Variants in SMCHD1 observed in about 807,000 individuals in gnomAD.
The protein encoded by SMCHD1 is structural maintenance of chromosomes flexible hinge domain-containing protein 1.
SMCHD1 carries 78 observed loss-of-function variants against 254.7 expected under a neutral mutation model. The observed-to-expected ratio is 0.31, with a 90% CI of 0.26 to 0.37. SMCHD1 has a LOEUF of 0.37. Among genes scored for constraint, SMCHD1 ranks in the 10% least tolerant of loss-of-function variants. The pLI, the probability that SMCHD1 is intolerant of heterozygous loss-of-function variation, is 1.00. For synonymous variants in SMCHD1, 766 were observed against 794.9 expected (o/e 0.96, Z 0.61); for missense variants, 1,840 against 2,408.1 (o/e 0.76, Z 4.94).
At chr18:2,750,012 A>T in intron 30 of SMCHD1, 31 bp from the exon 31 acceptor site, 1 of 1,527,104 alleles carries the variant, frequency 6.5e-7, no homozygotes. Flanking sequence ...AGAATTTTCT[A>T]ATTAACCATT....
chr18:2,748,868 T>C (rs2075519541), intron 30 of SMCHD1, among the ~76,000 whole-genome samples: 1 of 152,150 alleles, frequency 6.6e-6, no homozygotes, highest in East Asian at 1.9e-4. Context: ...GTTGATATCA[T>C]GTAAAGATGA....
chr18:2,758,007 G>A (rs1392943037), intron 34 of SMCHD1, among the ~76,000 whole-genome samples: 1 of 152,028 alleles, frequency 6.6e-6, no homozygotes, highest in Non-Finnish European at 1.5e-5. Context: ...TGAATGACAT[G>A]AAAAAGCCAC....
chr18:2,773,537 A>T (rs1233217280), intron 41 of SMCHD1, among the ~76,000 whole-genome samples: 1 of 152,158 alleles, frequency 6.6e-6, no homozygotes, highest in South Asian at 2.1e-4. Context: ...ACCCTACCCT[A>T]ACCAGTAGGA....
At chr18:2,707,491 A>C in intron 15 of SMCHD1, 72 bp from the exon 16 acceptor site, 1 of 857,732 alleles carries the variant, frequency 1.2e-6, no homozygotes, top group Non-Finnish European at 1.8e-6. Flanking sequence ...AGTTTCTAAT[A>C]ACTCGTATCT....
chr18:2,746,083 G>A (rs753909080), intron 29 of SMCHD1, among the ~76,000 whole-genome samples: 1 of 152,186 alleles, frequency 6.6e-6, no homozygotes, highest in Non-Finnish European at 1.5e-5. Context: ...AACACTTTGG[G>A]AGACCAAGGT....
At chr18:2,670,103 C>G (rs897541951) in intron 3 of SMCHD1, among the ~76,000 whole-genome samples, 1 of 152,150 alleles carries the variant, frequency 6.6e-6, no homozygotes, top group African/African-American at 2.4e-5. Flanking sequence ...TTGTGTCACT[C>G]GCTGCTGAAA....
Position 2,782,744 on chromosome 18 carries a change from CAAAAAAAAAAAAAA to C in SMCHD1, c.5548-1691_5548-1678del, listed in dbSNP as rs779083565. Among the ~76,000 whole-genome samples the C allele has an allele frequency of 4.2e-4, 19 of 44,980 alleles. 1 individual carries two copies. Among genetic ancestry groups the C allele is most frequent in the East Asian group, 2.3e-3 (4 of 1,746 alleles). The allele number at this position is 44,980 out of a possible 152,430, so 29.5% of individuals were successfully genotyped here. A position where few individuals can be genotyped will look rare whatever the true frequency, so the allele number is the denominator to read the frequency against. ...TGGGCAACAGAGCGAGACCACAACT[CAAAAAAAAAAAAAA>C]AAAAAAAAAAAAAAGATATTAAATC... is the stretch of plus-strand genomic sequence containing the variant. On this transcript the variant is annotated intron_variant, in intron 44 of 47. Coordinates refer to ENST00000320876, the MANE Select transcript of SMCHD1 (RefSeq NM_015295.3).
Position 2,718,293 on chromosome 18 carries a change from A to G in SMCHD1, c.2339-22A>G, listed in dbSNP as rs781009748. 6.2e-7 allele frequency: 1 copy of G among 1,607,452 alleles called. No homozygotes were observed. The highest frequency in any genetic ancestry group is 8.5e-7 in the Non-Finnish European group (1 of 1,176,832). On this transcript the variant is annotated intron_variant, in intron 18 of 47. Transcript: ENST00000320876. The surrounding 1 kb of genome is among the most constrained non-coding windows in gnomAD (Gnocchi z 4.6). ...TTGGTATTGTGTTGACTTGATTTTT[A>G]ATTTCTTCTTAATTTATCCAGAAAA...
intron 5 of SMCHD1, among the ~76,000 whole-genome samples, chr18:2,678,209 TTTTCTTTCTTTCTTTTTC>T (rs2073803176): frequency 9.0e-6 from 1 of 110,538 alleles, no homozygotes; most frequent in South Asian, 2.9e-4. Context: ...CTTTTCTTTC[TTTTCTTTCTTTCTTTTTC>T]TTTCTTTCTT....
chr18:2,795,877 C>T, intron 45 of SMCHD1, 72 bp from the exon 46 acceptor site: 1 of 1,353,314 alleles, frequency 7.4e-7, no homozygotes, highest in Non-Finnish European at 1.0e-6. Context: ...CAGTGTTGCT[C>T]ATTTTTTCCC....
At chr18:2,761,988 A>T (rs1272144445) in intron 35 of SMCHD1, 117 bp from the exon 36 acceptor site, 2 of 822,216 alleles carry the variant, frequency 2.4e-6, no homozygotes, top group East Asian at 5.3e-5. Context: ...ATGGAAATAA[A>T]TTTTAGAAGG....
In SMCHD1 at chr18:2,684,053, A is replaced by G. The variant is rs934095209; in HGVS notation, c.639-4341A>G. Reference sequence around the variant, plus strand: ...GAGCATTTCAGATTTTGTATTTTTGAATTTGAGATGCTCAACTTGTACTTA... The same window carrying G: ...GAGCATTTCAGATTTTGTATTTTTGGATTTGAGATGCTCAACTTGTACTTA... On this transcript the variant is annotated intron_variant, in intron 5 of 47. Transcript: ENST00000320876. Among the ~76,000 whole-genome samples, 100 of 152,106 alleles carry G rather than the reference A, an allele frequency of 6.6e-4. 2 individuals are homozygous for G. Among genetic ancestry groups the G allele is most frequent in the Non-Finnish European group, 2.4e-4 (16 of 68,002 alleles).
chr18:2,796,439 T>C lies in SMCHD1; in HGVS notation c.5911T>C (p.Leu1971=). The C allele has an allele frequency of 6.2e-7, 1 of 1,603,074 alleles. No homozygotes were observed. The highest frequency in any genetic ancestry group is 8.5e-7 in the Non-Finnish European group (1 of 1,174,230). Residue 1971 remains leucine (L), a synonymous_variant, in exon 47 of 48, where the codon TTG becomes CTG. Coordinates refer to ENST00000320876, the MANE Select transcript of SMCHD1 (RefSeq NM_015295.3). The stretch of plus-strand genomic sequence containing the variant: ...TCCCATACGTAAGTGTAATGACTCA[T>C]TGCGTCATTCACCAAAGGTTGAGAC... ...MTPIRKCNDS[L]RHSPKVETTD...
At position 2,738,408 on chromosome 18, in the gene SMCHD1, T is replaced by C; in HGVS notation, c.3288T>C (p.Thr1096=). ...TCTTTTTCTCCTAGGTTAATTGGAC[T>C]CCTGAGATTAACAAAGAACACTTGC... is the stretch of plus-strand genomic sequence containing the variant. The part of the protein sequence containing the change: ...ALAEKIKVNW[T]PEINKEHLLQ... Residue 1096 remains threonine (T), a synonymous_variant, in exon 26 of 48, where the codon ACT becomes ACC. Transcript: ENST00000320876. 1 of 1,599,928 alleles carries C rather than the reference T, an allele frequency of 6.3e-7. No individual in the cohort carries two copies. The highest frequency in any genetic ancestry group is 8.5e-7 in the Non-Finnish European group (1 of 1,173,098).
intron 7 of SMCHD1, among the ~76,000 whole-genome samples, chr18:2,694,266 T>C (rs973345335): frequency 5.3e-5 from 8 of 152,236 alleles, no homozygotes; most frequent in African/African-American, 1.9e-4. Flanking sequence ...TTTTCGTTTA[T>C]GATTCTAAAA....
intron 44 of SMCHD1, among the ~76,000 whole-genome samples, chr18:2,783,828 C>T (rs1479803357): frequency 1.3e-5 from 2 of 152,126 alleles, no homozygotes; most frequent in Non-Finnish European, 2.9e-5. Flanking sequence ...ACCTTGGCCT[C>T]CCAAAGTGCT....
Position 2,726,481 on chromosome 18 carries a change from C to T in SMCHD1, c.2730C>T (p.Gly910=). The part of the protein sequence containing the change: ...KNYNLKVTLP[G]LKEDSQILKI... ...ATAATCTGAAGGTTACTCTGCCTGG[C>T]TTAAAAGAAGACTCACAGATTTTGA... Residue 910 remains glycine, a synonymous_variant, in exon 22 of 48, where the codon GGC becomes GGT. Coordinates refer to ENST00000320876, the MANE Select transcript of SMCHD1 (RefSeq NM_015295.3). The T allele has an allele frequency of 6.6e-7, 1 of 1,506,690 alleles. No individual in the cohort carries two copies. Among genetic ancestry groups the T allele is most frequent in the Non-Finnish European group, 9.0e-7 (1 of 1,116,898 alleles). 93.3% of individuals were successfully genotyped at this position (1,506,690 alleles called of 1,614,324 possible). A position where few individuals can be genotyped will look rare whatever the true frequency, so the allele number is the denominator to read the frequency against.
rs1311737612 is a variant in SMCHD1, at chr18:2,803,222, A to G, written c.*670A>G. ...TGTATATATATATATATATATAAAT[A>G]TATATATATAAAATATTCAGCAGCA... On this transcript the variant is annotated 3_prime_UTR_variant, in exon 48 of 48. Coordinates refer to ENST00000320876, the MANE Select transcript of SMCHD1 (RefSeq NM_015295.3). 1 of 147,576 alleles carries G rather than the reference A, an allele frequency of 6.8e-6. No homozygotes were observed. The highest frequency in any genetic ancestry group is 1.5e-5 in the Non-Finnish European group (1 of 67,018). The allele number at this position is 147,576 out of a possible 1,614,324, so 9.1% of individuals were successfully genotyped here. A position where few individuals can be genotyped will look rare whatever the true frequency, so the allele number is the denominator to read the frequency against.
At chr18:2,720,201 C>T (rs1401465847) in intron 19 of SMCHD1, among the ~76,000 whole-genome samples, 2 of 152,172 alleles carry the variant, frequency 1.3e-5, no homozygotes, top group Non-Finnish European at 2.9e-5. Flanking sequence ...GTTTTTCCTA[C>T]TTTCCATCTC....
Sources: gnomAD v4.1 joint callset for allele counts (sites outside exome capture counted in the v4.1 genomes callset) on GRCh38, gnomAD v4.1.1 for gene constraint, Gnocchi (gnomAD v3.1) non-coding constraint, MANE v1.5 for transcripts, NCBI Gene and HGNC (gene_info 2026-07-23, HGNC 2026-07-21) for gene names.